The following TXLNB variants were observed in gnomAD, a reference collection of about 807,000 sequenced individuals.
TXLNB encodes taxilin beta, also known as beta-taxilin.
Under a neutral mutation model 57.4 loss-of-function variants are expected in TXLNB, and 37 were observed. The ratio of observed to expected loss-of-function variants is 0.64; its 90% CI spans 0.50 to 0.85. The LOEUF is 0.85. Ranked by LOEUF, TXLNB falls within the 40% of genes least tolerant of loss-of-function variation. TXLNB has a pLI of 0.00. For missense variants in TXLNB, 848 were observed against 825.6 expected, an observed-to-expected ratio of 1.03 and a Z score of -0.33; for synonymous variants, 302 against 309.6, an observed-to-expected ratio of 0.98 and a Z score of 0.26.
At chr6:139,167,281 G>A in the TXLNB span, 41 of 1,609,248 alleles carry the variant, frequency 2.5e-5, no homozygotes, top group South Asian at 4.4e-5. Flanking sequence ...TAAGCCCGTC[G>A]AGACATGATG....
the TXLNB span, among the ~76,000 whole-genome samples, chr6:139,161,064 G>A: frequency 6.6e-6 from 1 of 152,204 alleles, no homozygotes; most frequent in East Asian, 1.9e-4. Context: ...GTCGGGGACA[G>A]GGGTGGTGCT....
intron 2 of TXLNB, among the ~76,000 whole-genome samples, chr6:139,281,539 C>CTTTTTT (rs745650982): frequency 3.5e-5 from 2 of 57,488 alleles, no homozygotes; most frequent in Non-Finnish European, 5.9e-5. Context: ...ATCTGGAGTT[C>CTTTTTT]TTTTTTTTTT....
chr6:139,238,665 A>G (rs1775863465), downstream of TXLNB, among the ~76,000 whole-genome samples: 2 of 152,200 alleles, frequency 1.3e-5, no homozygotes, highest in African/African-American at 2.4e-5. Flanking sequence ...TGCTCTATGG[A>G]TGATAACCTT....
chr6:139,205,686 T>C, the TXLNB span, among the ~76,000 whole-genome samples: 1 of 151,794 alleles, frequency 6.6e-6, no homozygotes, highest in Non-Finnish European at 1.5e-5. Flanking sequence ...TGGGATTAAG[T>C]AAAATGTCCA....
chr6:139,257,235 A>C (rs1463419137), intron 6 of TXLNB, among the ~76,000 whole-genome samples: 2 of 152,058 alleles, frequency 1.3e-5, no homozygotes, highest in Non-Finnish European at 2.9e-5. Flanking sequence ...AGAACCTAAA[A>C]ATACTTATGA....
At chr6:139,320,332 T>C in the TXLNB span, among the ~76,000 whole-genome samples, 4 of 152,222 alleles carry the variant, frequency 2.6e-5, no homozygotes, top group African/African-American at 9.6e-5. Context: ...TTTAGGTTTC[T>C]GTTTCCAAAT....
intron 5 of TXLNB, among the ~76,000 whole-genome samples, chr6:139,262,021 A>G (rs912087767): frequency 6.7e-6 from 1 of 149,096 alleles, no homozygotes; most frequent in African/African-American, 2.5e-5. Flanking sequence ...CTCCTGCCTC[A>G]GCCTCTCGAG....
At chr6:139,291,412 G>T (rs533681294) in intron 1 of TXLNB, among the ~76,000 whole-genome samples, 6 of 152,304 alleles carry the variant, frequency 3.9e-5, no homozygotes, top group Admixed American at 3.3e-4. Context: ...TAGTCTAAAT[G>T]CAAGTGGCTG....
At chr6:139,296,089 G>C (rs1274832757), upstream of TXLNB, among the ~76,000 whole-genome samples, 1 of 152,100 alleles carries the variant, frequency 6.6e-6, no homozygotes, top group Non-Finnish European at 1.5e-5. Flanking sequence ...CACAGCTGTG[G>C]TCCTGGCACT....
chr6:139,302,023 T>A, the TXLNB span, among the ~76,000 whole-genome samples: 7 of 152,144 alleles, frequency 4.6e-5, no homozygotes, highest in Middle Eastern at 3.4e-3. Context: ...CAAACAAAAA[T>A]ATATATATAT....
chr6:139,205,373 C>T, the TXLNB span, among the ~76,000 whole-genome samples: 4 of 152,080 alleles, frequency 2.6e-5, no homozygotes, highest in Admixed American at 6.5e-5. Flanking sequence ...GTAATCCACC[C>T]GCCTCAGCCT....
At chr6:139,159,300 A>G in the TXLNB span, 1 of 152,266 alleles carries the variant, frequency 6.6e-6, no homozygotes, top group Non-Finnish European at 1.5e-5. Flanking sequence ...TAAGAGGACC[A>G]TGCTCTCTGC....
At chr6:139,284,722 G>A (rs1202052362) in intron 2 of TXLNB, among the ~76,000 whole-genome samples, 1 of 144,954 alleles carries the variant, frequency 6.9e-6, no homozygotes, top group Non-Finnish European at 1.5e-5. Context: ...TGTGTGTGGG[G>A]GCTCAGGAGG....
the TXLNB span, among the ~76,000 whole-genome samples, chr6:139,215,736 G>T: frequency 6.6e-6 from 1 of 152,168 alleles, no homozygotes; most frequent in Non-Finnish European, 1.5e-5. Flanking sequence ...ATTGGACAAA[G>T]GGCTAATATC....
intron 4 of TXLNB, among the ~76,000 whole-genome samples, chr6:139,268,207 C>T (rs2114548062): frequency 6.8e-6 from 1 of 148,050 alleles, no homozygotes; most frequent in East Asian, 2.0e-4. Context: ...GGTAAAATCA[C>T]CAATTCATCA....
chr6:139,300,794 CTGAAGCAGGAGAATCACT>C, the TXLNB span, among the ~76,000 whole-genome samples: 1 of 152,112 alleles, frequency 6.6e-6, no homozygotes, highest in Admixed American at 6.5e-5. Context: ...ACTCAGGAGG[CTGAAGCAGGAGAATCACT>C]TGAATCAGGG....
chr6:139,274,261 G>A (rs1288112281), intron 3 of TXLNB, among the ~76,000 whole-genome samples: 1 of 152,180 alleles, frequency 6.6e-6, no homozygotes, highest in Admixed American at 6.5e-5. Context: ...AAGGATGAGT[G>A]AGCTAGAGTG....
At chr6:139,183,757 A>G in the TXLNB span, among the ~76,000 whole-genome samples, 3 of 152,192 alleles carry the variant, frequency 2.0e-5, no homozygotes, top group Non-Finnish European at 4.4e-5. Context: ...GCAGCCTTTG[A>G]GAGAGGTTCT....
the TXLNB span, among the ~76,000 whole-genome samples, chr6:139,204,928 C>T: frequency 6.6e-6 from 1 of 152,270 alleles, no homozygotes; most frequent in Admixed American, 6.5e-5. Flanking sequence ...CTGAGAACCA[C>T]CCCCCATCCC....
Sources: allele counts gnomAD v4.1 joint callset (sites outside exome capture counted in the v4.1 genomes callset), GRCh38; gene constraint gnomAD v4.1.1; transcripts MANE v1.5; gene names NCBI Gene and HGNC (gene_info 2026-07-23, HGNC 2026-07-21).